The following YPEL5 variants were observed in gnomAD, a reference collection of about 807,000 sequenced individuals.
The protein encoded by YPEL5 is protein yippee-like 5.
Under a neutral mutation model 10.5 loss-of-function variants are expected in YPEL5, and 1 was observed. The ratio of observed to expected loss-of-function variants is 0.10; its 90% CI spans 0.03 to 0.45. The LOEUF (loss-of-function observed/expected upper bound fraction) is 0.45, where lower values mean the gene tolerates loss of function less well. YPEL5 is among the 20% of genes least tolerant of loss of function. The probability of loss-of-function intolerance (pLI) is 0.97; values close to 1 mark genes in which losing one functional copy is unlikely to be tolerated. For missense variants in YPEL5, 68 were observed against 159.3 expected (o/e 0.43, Z 3.09); for synonymous variants, 61 against 56.6 (o/e 1.08, Z -0.35).
intron 1 of YPEL5, chr2:30,147,720 A>G (rs1378679801): frequency 8.5e-6 from 1 of 117,184 alleles, no homozygotes; most frequent in African/African-American, 3.2e-5. Context: ...CCTCCTGCCC[A>G]GAGGACCCGG....
Position 30,159,152 on chromosome 2 carries a change from G to A in YPEL5, c.*309G>A, listed in dbSNP as rs780300556. 12 of 269,636 alleles carry A rather than the reference G, an allele frequency of 4.5e-5. No homozygotes were observed. Among genetic ancestry groups the A allele is most frequent in the Non-Finnish European group, 6.3e-5 (9 of 142,360 alleles). 16.7% of individuals were successfully genotyped at this position (269,636 alleles called of 1,614,324 possible). On this transcript the variant is annotated 3_prime_UTR_variant, in exon 3 of 3. Coordinates refer to ENST00000261353, the MANE Select transcript of YPEL5 (RefSeq NM_016061.3). ...CTATGTAAGGAAAAAAATCTGGGCT[G>A]TTAGAGTGAAAAAGTGTGTTTTATG...
chr2:30,156,902 C>A, intron 2 of YPEL5, 110 bp downstream of exon 2: 3 of 1,306,328 alleles, frequency 2.3e-6, no homozygotes, highest in Non-Finnish European at 3.2e-6. Context: ...AGAATGAGAG[C>A]TTGAAATCTA....
At chr2:30,148,597 A>G (rs1675628853) in intron 1 of YPEL5, 1 of 152,258 alleles carries the variant, frequency 6.6e-6, no homozygotes, top group Non-Finnish European at 1.5e-5. Context: ...TTATAACTTA[A>G]TCAAAAGTCG....
intron 1 of YPEL5, among the ~76,000 whole-genome samples, chr2:30,154,877 T>A (rs1675967962): frequency 6.6e-6 from 1 of 152,216 alleles, no homozygotes. Flanking sequence ...TAGCTGAGAC[T>A]ACAGGCGTGC....
chr2:30,147,505 GC>G (rs1225586328), intron 1 of YPEL5: 1 of 136,584 alleles, frequency 7.3e-6, no homozygotes, highest in African/African-American at 2.7e-5. Flanking sequence ...CGGCTGCCCC[GC>G]CCCCACCCGT....
chr2:30,147,379 G>A (rs1168647406), intron 1 of YPEL5: 2 of 148,346 alleles, frequency 1.3e-5, no homozygotes, highest in East Asian at 3.9e-4. Flanking sequence ...CCTCCGCGCG[G>A]CGCCCGCGCC....
At chr2:30,153,981 A>G (rs578220411) in intron 1 of YPEL5, among the ~76,000 whole-genome samples, 1 of 152,240 alleles carries the variant, frequency 6.6e-6, no homozygotes, top group Non-Finnish European at 1.5e-5. Context: ...GGCAGAAGGC[A>G]TAGGGAAAGT....
intron 1 of YPEL5, among the ~76,000 whole-genome samples, chr2:30,155,355 G>C (rs951697657): frequency 2.6e-5 from 4 of 152,114 alleles, no homozygotes; most frequent in African/African-American, 9.7e-5. Context: ...TAATGGCTGG[G>C]GAAGTTCATA....
At position 30,150,438 on chromosome 2, in the gene YPEL5, A is replaced by G. The variant is rs1422935697; in HGVS notation, c.-25+3376A>G. Among the ~76,000 whole-genome samples, 7 of 152,306 alleles carry G rather than the reference A, an allele frequency of 4.6e-5. No individual in the cohort carries two copies. In the East Asian group the frequency reaches 1.3e-3, roughly 29 times the overall value. The stretch of plus-strand genomic sequence containing the variant: ...CTCACCCAGTGTTTCCAAAGCTATT[A>G]AGGGGGAAGAGCTGAGATTTGAACC... On this transcript the variant is annotated intron_variant, in intron 1 of 2. Transcript: ENST00000261353.
At chr2:30,156,351 C>T in intron 1 of YPEL5, 1 of 277,560 alleles carries the variant, frequency 3.6e-6, no homozygotes, top group Admixed American at 4.8e-5. Flanking sequence ...TTTTCCACAC[C>T]AGCCATAAGA....
At chr2:30,155,223 T>C (rs1675990736) in intron 1 of YPEL5, among the ~76,000 whole-genome samples, 1 of 152,276 alleles carries the variant, frequency 6.6e-6, no homozygotes, top group South Asian at 2.1e-4. Flanking sequence ...GTTTTCCTTT[T>C]ACTAGCTGCA....
chr2:30,157,643 C>T (rs756379806), intron 2 of YPEL5, among the ~76,000 whole-genome samples: 1 of 152,102 alleles, frequency 6.6e-6, no homozygotes, highest in Non-Finnish European at 1.5e-5. Context: ...TTCTGCCTCC[C>T]GGAATCTGGT....
rs1281950144 is a variant in YPEL5 at position 30,160,331 on chromosome 2, CTGAT to C, written c.*1490_*1493del. The C allele has an allele frequency of 1.3e-5, 2 of 152,182 alleles. No individual in the cohort carries two copies. Among genetic ancestry groups the C allele is most frequent in the Non-Finnish European group, 2.9e-5 (2 of 68,028 alleles). The allele number at this position is 152,182 out of a possible 1,614,324, so 9.4% of individuals were successfully genotyped here. ...GGCTGTTGGTTAGAAGCATAGGTAA[CTGAT>C]TAAGTAGGTATGATACTGCATTTGA... On this transcript the variant is annotated 3_prime_UTR_variant, in exon 3 of 3. Transcript: ENST00000261353.
chr2:30,150,065 A>T (rs1675711994), intron 1 of YPEL5, among the ~76,000 whole-genome samples: 1 of 152,216 alleles, frequency 6.6e-6, no homozygotes, highest in South Asian at 2.1e-4. Flanking sequence ...AGGGACAACA[A>T]GTACCTATTT....
intron 1 of YPEL5, chr2:30,155,792 T>C (rs1324953895): frequency 1.3e-5 from 2 of 152,258 alleles, no homozygotes; most frequent in Non-Finnish European, 2.9e-5. Flanking sequence ...TTCTTAAAGA[T>C]AATCAAGTTA....
chr2:30,149,735 G>A (rs1388680154), intron 1 of YPEL5, among the ~76,000 whole-genome samples: 2 of 152,188 alleles, frequency 1.3e-5, no homozygotes, highest in Non-Finnish European at 2.9e-5. Context: ...CCCTTTCTGC[G>A]CTAGATGCCT....
intron 1 of YPEL5, 29 bp downstream of exon 1, chr2:30,147,091 G>A (rs1425277713): frequency 1.3e-5 from 2 of 152,408 alleles, no homozygotes; most frequent in African/African-American, 4.8e-5. Context: ...GCTGGACTCG[G>A]GGCCGGTGGG....
chr2:30,148,863 AG>A (rs1260057194), intron 1 of YPEL5, among the ~76,000 whole-genome samples: 1 of 152,242 alleles, frequency 6.6e-6, no homozygotes, highest in Non-Finnish European at 1.5e-5. Flanking sequence ...ACATGAAGGT[AG>A]TCCTAGGTAT....
intron 2 of YPEL5, among the ~76,000 whole-genome samples, chr2:30,157,128 C>G (rs530673452): frequency 1.8e-4 from 28 of 151,900 alleles, no homozygotes; most frequent in Non-Finnish European, 3.7e-4. Flanking sequence ...ACTAAAAATA[C>G]AAAAATTAGC....
Sources: gnomAD v4.1 joint callset for allele counts (sites outside exome capture counted in the v4.1 genomes callset) on GRCh38, gnomAD v4.1.1 for gene constraint, MANE v1.5 for transcripts, NCBI Gene and HGNC (gene_info 2026-07-23, HGNC 2026-07-21) for gene names.